Variants in SLFN11 observed in about 807,000 individuals in gnomAD.
SLFN11 encodes the protein schlafen family member 11.
SLFN11 carries 43 observed loss-of-function variants against 53.4 expected under a neutral mutation model. That is an observed-to-expected ratio of 0.80 (90% CI 0.63 to 1.04). SLFN11 has a LOEUF of 1.04. Among genes scored for constraint, SLFN11 ranks in the 50% least tolerant of loss-of-function variants. The probability of loss-of-function intolerance (pLI) is 0.00; values close to 1 mark genes in which losing one functional copy is unlikely to be tolerated. For synonymous variants in SLFN11, 389 were observed against 394.7 expected, an observed-to-expected ratio of 0.99 and a Z score of 0.17; for missense variants, 990 against 1,079.1, an observed-to-expected ratio of 0.92 and a Z score of 1.16.
At chr17:35,363,877 G>T (rs1050607351) in intron 3 of SLFN11, 51 bp from the exon 4 acceptor site, 3 of 1,406,352 alleles carry the variant, frequency 2.1e-6, no homozygotes, top group South Asian at 1.4e-5. Context: ...TATTAAAAGG[G>T]TATTTATTTT....
Position 35,363,643 on chromosome 17 carries a change from G to A in SLFN11, c.165C>T (p.Asn55=). Reference sequence around the variant, plus strand: ...CCATTCGAATCACTCCTCCTCCTGAGTTTAATAAAGCACATGCAGCCCGCA... The same window carrying A: ...CCATTCGAATCACTCCTCCTCCTGAATTTAATAAAGCACATGCAGCCCGCA... ...RVMRAACALL[N]SGGGVIRMAK... is the part of the protein sequence containing the mutation. The change falls in exon 4 of 7, where the codon AAC becomes AAT. Residue 55 remains asparagine, a synonymous_variant. Transcript: ENST00000685675. The A allele has an allele frequency of 1.2e-6, 2 of 1,613,848 alleles. No homozygotes were observed. Among genetic ancestry groups the A allele is most frequent in the South Asian group, 1.1e-5 (1 of 91,056 alleles).
At position 35,353,501 on chromosome 17, in the gene SLFN11, G is replaced by A. The variant is rs1251316793; in HGVS notation, c.1757C>T (p.Ser586Phe). 29 of 1,543,654 alleles carry A rather than the reference G, an allele frequency of 1.9e-5. No homozygotes were observed. The highest frequency in any genetic ancestry group is 2.5e-5 in the Non-Finnish European group (28 of 1,135,854). The stretch of plus-strand genomic sequence containing the variant: ...CTCTCTGTTCTTGCGGAGGCTTCTG[G>A]AGAATATCTCATACTGCTGGGCTGT... ...LLTAQQYEIFSRSLRKNRELF... is the reference protein window; with the variant it reads ...LLTAQQYEIFFRSLRKNRELF... The change falls in exon 6 of 7, where the codon TCC becomes TTC. Residue 586 changes from serine (S) to phenylalanine (F), a missense_variant. This residue lies in a region of SLFN11 where 156 missense variants were observed against 241.9 expected (regional missense o/e 0.64). Transcript: ENST00000685675.
rs1165344680 is a variant in SLFN11 at position 35,350,657 on chromosome 17, CAGAA to C, written c.*1695_*1698del. The C allele has an allele frequency of 6.6e-6, 1 of 151,996 alleles. No homozygotes were observed. The highest frequency in any genetic ancestry group is 2.4e-5 in the African/African-American group (1 of 41,384). The allele number at this position is 151,996 out of a possible 1,614,324, so 9.4% of individuals were successfully genotyped here. A position where few individuals can be genotyped will look rare whatever the true frequency, so the allele number is the denominator to read the frequency against. ...TGAGTTGTATCTGATTTAATGCAGT[CAGAA>C]AGAAAAAAGAAACATTTATCTCATT... is the stretch of plus-strand genomic sequence containing the variant. On this transcript the variant is annotated 3_prime_UTR_variant, in exon 7 of 7. Transcript: ENST00000685675.
chr17:35,371,154 A>C (rs1345111688), intron 1 of SLFN11, among the ~76,000 whole-genome samples: 4 of 152,126 alleles, frequency 2.6e-5, no homozygotes, highest in African/African-American at 9.7e-5. Context: ...TAGAGAACCC[A>C]GACACAAATA....
At chr17:35,366,204 G>T (rs1908936359) in intron 3 of SLFN11, among the ~76,000 whole-genome samples, 1 of 152,088 alleles carries the variant, frequency 6.6e-6, no homozygotes, top group Admixed American at 6.5e-5. Context: ...AGGGAATGAG[G>T]GTGGCAGGGA....
intron 4 of SLFN11, among the ~76,000 whole-genome samples, 168 bp downstream of exon 4, chr17:35,362,571 C>T (rs867579411): frequency 1.3e-5 from 2 of 152,096 alleles, no homozygotes; most frequent in African/African-American, 4.8e-5. Flanking sequence ...GGTTTCTAAT[C>T]ACCCAACAAA....
rs1908524830 is a variant in SLFN11, at chr17:35,363,441, G to A, written c.367C>T (p.Pro123Ser). ...GAAGAACTGAGGCTGCAAAGGCGGGGCTTGACAGAGCGATCTTCAGGGAAA... is the reference window on the plus strand; with the variant it reads ...GAAGAACTGAGGCTGCAAAGGCGGGACTTGACAGAGCGATCTTCAGGGAAA... ...GPFPEDRSVK[P>S]RLCSLSSSLY... The change falls in exon 4 of 7, where the codon CCC becomes TCC. Residue 123 changes from proline (P) to serine (S), a missense_variant. Pro to Ser is a moderately conservative substitution (Grantham distance 74, BLOSUM62 -1). Transcript: ENST00000685675. 6.2e-7 allele frequency: 1 copy of A among 1,613,968 alleles called. No individual in the cohort carries two copies. Among genetic ancestry groups the A allele is most frequent in the Non-Finnish European group, 8.5e-7 (1 of 1,179,958 alleles).
chr17:35,372,870 G>A (rs1302663948), intron 1 of SLFN11, among the ~76,000 whole-genome samples: 1 of 152,068 alleles, frequency 6.6e-6, no homozygotes, highest in East Asian at 1.9e-4. Context: ...AGAGCTCTTT[G>A]TCCTTCTGGG....
chr17:35,362,684 G>T, intron 4 of SLFN11, 55 bp downstream of exon 4: 1 of 1,392,400 alleles, frequency 7.2e-7, no homozygotes, highest in South Asian at 1.5e-5. Context: ...AATTTAATAT[G>T]GGAGGTCCCA....
At chr17:35,358,210 G>T (rs1031136324) in intron 5 of SLFN11, among the ~76,000 whole-genome samples, 2 of 150,436 alleles carry the variant, frequency 1.3e-5, no homozygotes, top group Admixed American at 6.6e-5. Flanking sequence ...TTGAAAATTG[G>T]GTGTTTTCTT....
rs374591791 is a variant in SLFN11, at chr17:35,361,278, G to A, written c.1070-907C>T. ...TGCAAGGCAAGAAATATTTCAAACT[G>A]TTAGGAGCAGAGGGGTAGAGCAGAT... On this transcript the variant is annotated intron_variant, in intron 4 of 6. Coordinates refer to ENST00000685675, the MANE Select transcript of SLFN11 (RefSeq NM_001376007.1). 3.9e-5 allele frequency among the ~76,000 whole-genome samples: 6 copies of A among 152,204 alleles called. No individual in the cohort carries two copies. In the East Asian group the frequency reaches 9.6e-4, roughly 24 times the overall value.
chr17:35,363,484 T>C lies in SLFN11; in HGVS notation c.324A>G (p.Lys108=). 1 of 1,614,008 alleles carries C rather than the reference T, an allele frequency of 6.2e-7. No homozygotes were observed. Among genetic ancestry groups the C allele is most frequent in the Non-Finnish European group, 8.5e-7 (1 of 1,179,972 alleles). ...CAGGGAAAGGGCCACTGCTCCAAGA[T>C]TTAACAAAAATGTAAAAACACCTTC... The part of the protein sequence containing the change: ...QQGRCFYIFV[K]SWSSGPFPED... The change falls in exon 4 of 7, where the codon AAA becomes AAG. Residue 108 remains lysine, a synonymous_variant. Coordinates refer to ENST00000685675, the MANE Select transcript of SLFN11 (RefSeq NM_001376007.1).
At position 35,353,320 on chromosome 17, in the gene SLFN11, A is replaced by G. The variant is rs746108151; in HGVS notation, c.1922+16T>C. On this transcript the variant is annotated intron_variant, in intron 6 of 6. Transcript: ENST00000685675. ...AGATTAAATAATACTTAGAGACGTA[A>G]GATCCAACTGCTTACCTGATAAAGT... 6.2e-7 allele frequency: 1 copy of G among 1,613,912 alleles called. No homozygotes were observed.
chr17:35,366,307 T>C (rs1567826708), intron 3 of SLFN11, among the ~76,000 whole-genome samples: 1 of 152,054 alleles, frequency 6.6e-6, no homozygotes, highest in Non-Finnish European at 1.5e-5. Context: ...GAAATAAAGA[T>C]TATGAATAAT....
intron 5 of SLFN11, among the ~76,000 whole-genome samples, chr17:35,357,139 C>CGTGTGTGTGTGT (rs35291259): frequency 6.3e-5 from 9 of 142,916 alleles, no homozygotes; most frequent in South Asian, 4.5e-4. Context: ...TTTTTCTGTG[C>CGTGTGTGTGTGT]GTGTGTGTGT....
chr17:35,361,911 A>AT (rs1412752272), intron 4 of SLFN11, among the ~76,000 whole-genome samples: 1 of 151,608 alleles, frequency 6.6e-6, no homozygotes, highest in African/African-American at 2.4e-5. Flanking sequence ...CGTCTGACTA[A>AT]TTTTTCTATT....
chr17:35,363,279 G>A lies in SLFN11; in HGVS notation c.529C>T (p.Leu177Phe). ...GGGTCAGCAGGATCCGAGTTAGGGA[G>A]CTCTTGGTATACACCCTTGTGAATT... ...HKIHKGVYQE[L>F]PNSDPADPNS... Residue 177 changes from leucine to phenylalanine, a missense_variant, in exon 4 of 7, where the codon CTC (leucine) becomes TTC (phenylalanine). Around this residue, in one of 3 missense-constraint regions of SLFN11, gnomAD observed 521 missense variants for 516.2 expected, o/e 1.01. Transcript: ENST00000685675. The A allele has an allele frequency of 6.2e-7, 1 of 1,614,004 alleles. No individual in the cohort carries two copies. The highest frequency in any genetic ancestry group is 8.5e-7 in the Non-Finnish European group (1 of 1,179,980).
At chr17:35,359,265 G>A (rs771524176) in intron 5 of SLFN11, among the ~76,000 whole-genome samples, 32 of 151,928 alleles carry the variant, frequency 2.1e-4, no homozygotes, top group African/African-American at 4.1e-4. Flanking sequence ...GATTAGCAGC[G>A]CTTAATAGAT....
At chr17:35,368,807 A>G (rs1375857865) in intron 1 of SLFN11, among the ~76,000 whole-genome samples, 1 of 152,110 alleles carries the variant, frequency 6.6e-6, no homozygotes, top group African/African-American at 2.4e-5. Flanking sequence ...GTCAGCTCAG[A>G]CACAGTAGGA....
Sources: allele counts gnomAD v4.1 joint callset (sites outside exome capture counted in the v4.1 genomes callset), GRCh38; gene constraint gnomAD v4.1.1; regional missense constraint gnomAD v4.1.1; transcripts MANE v1.5; gene names NCBI Gene and HGNC (gene_info 2026-07-23, HGNC 2026-07-21).